Variants in AGPS observed in about 807,000 individuals in gnomAD.
AGPS encodes alkyldihydroxyacetonephosphate synthase, peroxisomal.
In AGPS, 26 loss-of-function variants were observed where a neutral mutation model predicts 90.7. The ratio of observed to expected loss-of-function variants is 0.29; its 90% CI spans 0.21 to 0.40. AGPS has a LOEUF of 0.40. Ranked by LOEUF, AGPS falls within the 10% of genes least tolerant of loss-of-function variation. The pLI is 1.00. For missense variants in AGPS, 540 were observed against 816.1 expected, an observed-to-expected ratio of 0.66 and a Z score of 4.12; for synonymous variants, 294 against 285.3, an observed-to-expected ratio of 1.03 and a Z score of -0.31.
At chr2:177,445,932 G>T (rs1260097067) in intron 8 of AGPS, among the ~76,000 whole-genome samples, 1 of 152,066 alleles carries the variant, frequency 6.6e-6, no homozygotes, top group Admixed American at 6.5e-5. Flanking sequence ...CTAAATGCAG[G>T]GTATTATGGA....
At chr2:177,435,021 A>ATATG (rs1553509341) in intron 3 of AGPS, among the ~76,000 whole-genome samples, 2 of 146,982 alleles carry the variant, frequency 1.4e-5, no homozygotes, top group South Asian at 2.1e-4. Context: ...ATATATATAT[A>ATATG]TATGTATGAA....
intron 10 of AGPS, among the ~76,000 whole-genome samples, chr2:177,476,702 A>G (rs1383225812): frequency 2.6e-5 from 4 of 152,034 alleles, no homozygotes; most frequent in Admixed American, 2.0e-4. Context: ...TACAAGTCCT[A>G]TTGCCTTCTT....
At chr2:177,448,874 A>G (rs1219729222) in intron 8 of AGPS, among the ~76,000 whole-genome samples, 1 of 152,050 alleles carries the variant, frequency 6.6e-6, no homozygotes, top group Non-Finnish European at 1.5e-5. Context: ...GGAATCACTG[A>G]TTTGCTTTCT....
At chr2:177,489,931 C>A (rs964069220) in intron 11 of AGPS, among the ~76,000 whole-genome samples, 1 of 152,136 alleles carries the variant, frequency 6.6e-6, no homozygotes, top group Non-Finnish European at 1.5e-5. Flanking sequence ...CTTTTTCCCT[C>A]CTTTACAAAA....
At chr2:177,394,199 C>A (rs143986624) in intron 1 of AGPS, among the ~76,000 whole-genome samples, 2 of 152,180 alleles carry the variant, frequency 1.3e-5, no homozygotes, top group Non-Finnish European at 2.9e-5. Flanking sequence ...TTTAAAAATA[C>A]GGTATTTACT....
Position 177,495,690 on chromosome 2 carries a change from C to A in AGPS, c.1286-1999C>A, listed in dbSNP as rs180753857. 3.2e-3 allele frequency among the ~76,000 whole-genome samples: 477 copies of A among 151,300 alleles called. 2 individuals are homozygous for A. Among genetic ancestry groups the A allele is most frequent in the Non-Finnish European group, 5.4e-3 (368 of 67,864 alleles). On this transcript the variant is annotated intron_variant, in intron 12 of 19. Coordinates refer to ENST00000264167, the MANE Select transcript of AGPS (RefSeq NM_003659.4). ...TGGGAGGCCAAGGCAGGCGGATCAC[C>A]TGAAGTCAGGAGTTTGAGACTAGCC...
chr2:177,395,354 C>T (rs980009848), intron 1 of AGPS, among the ~76,000 whole-genome samples: 2 of 152,154 alleles, frequency 1.3e-5, no homozygotes, highest in African/African-American at 2.4e-5. Flanking sequence ...AGTTCAGGCA[C>T]GACTGTAACC....
chr2:177,491,237 A>G (rs1207972878), intron 11 of AGPS, among the ~76,000 whole-genome samples: 1 of 149,994 alleles, frequency 6.7e-6, no homozygotes, highest in Non-Finnish European at 1.5e-5. Context: ...TTATAACTAC[A>G]ATACCATTTT....
intron 1 of AGPS, among the ~76,000 whole-genome samples, chr2:177,405,560 C>G (rs567101766): frequency 1.3e-5 from 2 of 152,252 alleles, no homozygotes; most frequent in Middle Eastern, 3.4e-3. Flanking sequence ...TTTGAAAAGG[C>G]CTTAACAGCC....
At chr2:177,440,933 T>TG in intron 5 of AGPS, 32 bp from the exon 6 acceptor site, 1 of 1,570,734 alleles carries the variant, frequency 6.4e-7, no homozygotes. Context: ...TTTATGCCTC[T>TG]GTAATTAATT....
chr2:177,424,425 G>A (rs1686020432), intron 2 of AGPS, among the ~76,000 whole-genome samples: 1 of 148,198 alleles, frequency 6.7e-6, no homozygotes, highest in Non-Finnish European at 1.5e-5. Flanking sequence ...ATGAACATAT[G>A]CATGCATATA....
At chr2:177,522,261 C>T (rs1559083113) in intron 18 of AGPS, among the ~76,000 whole-genome samples, 1 of 152,184 alleles carries the variant, frequency 6.6e-6, no homozygotes, top group Non-Finnish European at 1.5e-5. Context: ...GTGTTGCCCT[C>T]TGGCTACCCA....
chr2:177,467,141 A>G (rs186737128), intron 9 of AGPS, among the ~76,000 whole-genome samples: 1 of 152,150 alleles, frequency 6.6e-6, no homozygotes, highest in Non-Finnish European at 1.5e-5. Context: ...CATCACTTCT[A>G]GAACTGTTTC....
At chr2:177,523,966 A>C (rs1051188359) in intron 19 of AGPS, among the ~76,000 whole-genome samples, 161 bp downstream of exon 19, 1 of 152,198 alleles carries the variant, frequency 6.6e-6, no homozygotes, top group African/African-American at 2.4e-5. Flanking sequence ...GTAGATAGTT[A>C]GGTTGTGGTA....
intron 1 of AGPS, among the ~76,000 whole-genome samples, chr2:177,411,142 G>A (rs1410569884): frequency 1.3e-5 from 2 of 152,074 alleles, no homozygotes; most frequent in African/African-American, 4.8e-5. Flanking sequence ...AAAAACTGAG[G>A]TTGCCAAGTT....
At position 177,538,580 on chromosome 2, in the gene AGPS, G is replaced by C. The variant is rs114266155; in HGVS notation, c.*385G>C. On this transcript the variant is annotated 3_prime_UTR_variant, in exon 20 of 20. Transcript: ENST00000264167. ...GCCTCTTTTTAAAAGAACGTTTCTG[G>C]GAATCAGATGTCTAGGGAAGGATTC... is the stretch of plus-strand genomic sequence containing the variant. 1.8e-3 allele frequency: 526 copies of C among 293,902 alleles called. 5 individuals carry two copies. Among genetic ancestry groups the C allele is most frequent in the African/African-American group, 0.011 (474 of 44,668 alleles). 18.2% of individuals were successfully genotyped at this position (293,902 alleles called of 1,614,324 possible). A position where few individuals can be genotyped will look rare whatever the true frequency, so the allele number is the denominator to read the frequency against.
At chr2:177,528,439 A>G (rs758425779) in intron 19 of AGPS, among the ~76,000 whole-genome samples, 44 of 152,314 alleles carry the variant, frequency 2.9e-4, no homozygotes, top group Non-Finnish European at 5.6e-4. Context: ...CCTTCTTGCT[A>G]TTCCTCAGAC....
At chr2:177,415,063 A>G (rs753283311) in intron 1 of AGPS, among the ~76,000 whole-genome samples, 43 of 152,026 alleles carry the variant, frequency 2.8e-4, no homozygotes, top group African/African-American at 1.7e-4. Flanking sequence ...CTGTTTTACT[A>G]TGGATTTTAT....
chr2:177,540,445 T>G lies in AGPS; in HGVS notation c.*2250T>G, dbSNP rs953420929. The G allele has an allele frequency of 1.3e-5, 2 of 152,134 alleles. No individual in the cohort carries two copies. The highest frequency in any genetic ancestry group is 6.6e-5 in the Admixed American group (1 of 15,246). 9.4% of individuals were successfully genotyped at this position (152,134 alleles called of 1,614,324 possible). A position where few individuals can be genotyped will look rare whatever the true frequency, so the allele number is the denominator to read the frequency against. The stretch of plus-strand genomic sequence containing the variant: ...ATTGATCAGTACTGTTTCACTCTGA[T>G]TTAGTAAATCAGAAAGCCTCCCCCT... On this transcript the variant is annotated 3_prime_UTR_variant, in exon 20 of 20. Coordinates refer to ENST00000264167, the MANE Select transcript of AGPS (RefSeq NM_003659.4).
Sources: allele counts gnomAD v4.1 joint callset (sites outside exome capture counted in the v4.1 genomes callset), GRCh38; gene constraint gnomAD v4.1.1; transcripts MANE v1.5; gene names NCBI Gene and HGNC (gene_info 2026-07-23, HGNC 2026-07-21).